The following ZNF395 variants were observed in gnomAD, a reference collection of about 807,000 sequenced individuals.
The protein encoded by ZNF395 is HD gene regulatory region-binding protein 2.
A neutral mutation model predicts 57.7 loss-of-function variants in ZNF395; 20 were observed. That is an observed-to-expected ratio of 0.35 (90% CI 0.24 to 0.50). ZNF395 has a LOEUF of 0.50. Ranked by LOEUF, ZNF395 falls within the 20% of genes least tolerant of loss-of-function variation. The pLI is 0.97. For synonymous variants in ZNF395, 295 were observed against 275.9 expected (o/e 1.07, Z -0.69); for missense variants, 606 against 671.2 (o/e 0.90, Z 1.07).
chr8:28,367,108 A>T (rs1801919902), intron 1 of ZNF395, among the ~76,000 whole-genome samples: 1 of 151,800 alleles, frequency 6.6e-6, no homozygotes, highest in South Asian at 2.1e-4. Flanking sequence ...GACAATGTGG[A>T]TTCTCAGGGC....
chr8:28,358,643 C>T (rs1280305635), intron 3 of ZNF395, among the ~76,000 whole-genome samples: 1 of 151,508 alleles, frequency 6.6e-6, no homozygotes, highest in Non-Finnish European at 1.5e-5. Context: ...CCCTATGTTG[C>T]CCAGGCTGGT....
chr8:28,367,050 G>A (rs1801919270), intron 1 of ZNF395, among the ~76,000 whole-genome samples: 1 of 152,124 alleles, frequency 6.6e-6, no homozygotes. Context: ...ACATGGCACT[G>A]AGCATATTGG....
intron 1 of ZNF395, chr8:28,365,643 A>G (rs576425524): frequency 1.3e-5 from 2 of 152,310 alleles, no homozygotes; most frequent in African/African-American, 4.8e-5. Flanking sequence ...AAGGCTTCTC[A>G]GGAAAGTTTT....
At chr8:28,384,343 G>A (rs1802145356) in intron 1 of ZNF395, among the ~76,000 whole-genome samples, 1 of 152,152 alleles carries the variant, frequency 6.6e-6, no homozygotes, top group Non-Finnish European at 1.5e-5. Flanking sequence ...ACATCTCCTT[G>A]TCTCTCTGGA....
intron 1 of ZNF395, chr8:28,385,894 C>G (rs1156899532): frequency 1.1e-4 from 16 of 145,868 alleles, no homozygotes; most frequent in Admixed American, 3.4e-4. Context: ...CTCCCAGACC[C>G]CCGGACCCCC....
intron 4 of ZNF395, among the ~76,000 whole-genome samples, chr8:28,355,493 A>G (rs1036951033): frequency 6.6e-5 from 10 of 151,526 alleles, no homozygotes; most frequent in Admixed American, 5.3e-4. Context: ...GGATGATGGC[A>G]TATCATCAGT....
At chr8:28,379,169 C>A (rs1270727674) in intron 1 of ZNF395, among the ~76,000 whole-genome samples, 2 of 152,212 alleles carry the variant, frequency 1.3e-5, no homozygotes, top group Non-Finnish European at 2.9e-5. Flanking sequence ...GTACCCAATG[C>A]ATGAATACAG....
In ZNF395 at chr8:28,346,777, G is replaced by A. The variant is rs900571709; in HGVS notation, c.*1942C>T. Reference sequence around the variant, plus strand: ...GAACGTGCCCTCCCCTCCCCATGAGGACCTGAAGCTGGGGGTTGTCTTGGG... The same window carrying A: ...GAACGTGCCCTCCCCTCCCCATGAGAACCTGAAGCTGGGGGTTGTCTTGGG... On this transcript the variant is annotated 3_prime_UTR_variant, in exon 10 of 10. Coordinates refer to ENST00000344423, the MANE Select transcript of ZNF395 (RefSeq NM_018660.3). 37 of 151,524 alleles carry A rather than the reference G, an allele frequency of 2.4e-4. No homozygotes were observed. The highest frequency in any genetic ancestry group is 2.4e-3 in the Admixed American group (36 of 15,244). The allele number at this position is 151,524 out of a possible 1,614,324, so 9.4% of individuals were successfully genotyped here.
intron 7 of ZNF395, 125 bp downstream of exon 7, chr8:28,351,370 T>C: frequency 9.5e-6 from 10 of 1,049,878 alleles, no homozygotes; most frequent in Non-Finnish European, 1.4e-5. Flanking sequence ...TGTTTCCTTG[T>C]AGAAGAGATT....
chr8:28,362,168 A>G (rs1563339308), intron 1 of ZNF395, among the ~76,000 whole-genome samples: 1 of 152,096 alleles, frequency 6.6e-6, no homozygotes, highest in Admixed American at 6.5e-5. Context: ...GATGTTGAGC[A>G]CAAGTGACTT....
At chr8:28,369,630 C>T (rs867604502) in intron 1 of ZNF395, among the ~76,000 whole-genome samples, 1 of 152,214 alleles carries the variant, frequency 6.6e-6, no homozygotes, top group Non-Finnish European at 1.5e-5. Flanking sequence ...CTCTTTCCTG[C>T]TCTGTTCCCC....
chr8:28,354,427 C>T (rs1296320277), intron 4 of ZNF395, among the ~76,000 whole-genome samples: 1 of 152,222 alleles, frequency 6.6e-6, no homozygotes, highest in Non-Finnish European at 1.5e-5. Context: ...CACAGAGCCC[C>T]CTAACCCTGG....
chr8:28,367,190 A>G (rs1801921489), intron 1 of ZNF395, among the ~76,000 whole-genome samples: 1 of 152,218 alleles, frequency 6.6e-6, no homozygotes, highest in Non-Finnish European at 1.5e-5. Context: ...AATAGTTTAG[A>G]CTACCAGTAA....
chr8:28,382,188 G>A (rs565231918), intron 1 of ZNF395, among the ~76,000 whole-genome samples: 16 of 152,076 alleles, frequency 1.1e-4, no homozygotes, highest in Non-Finnish European at 2.4e-4. Flanking sequence ...TGTCCATAGG[G>A]GACAGCCTTC....
intron 1 of ZNF395, among the ~76,000 whole-genome samples, chr8:28,372,363 A>G (rs1801987641): frequency 6.6e-6 from 1 of 152,242 alleles, no homozygotes; most frequent in Non-Finnish European, 1.5e-5. Context: ...ACCTGAAAAA[A>G]AGTAGACACC....
In ZNF395 at chr8:28,360,831, C is replaced by G. The variant is rs2294110; in HGVS notation, c.240+54G>C. On this transcript the variant is annotated intron_variant, in intron 2 of 9. Transcript: ENST00000344423. ...GGCCTGTCACTAGGGCACCCCAGCC[C>G]CCTACCCCAAGACTGGCAAGACGGG... 4.3e-3 allele frequency: 6,783 copies of G among 1,595,166 alleles called. 204 individuals are homozygous for G. In the East Asian group the frequency reaches 0.078, roughly 18 times the overall value.
chr8:28,349,628 G>A (rs948050972), intron 8 of ZNF395, among the ~76,000 whole-genome samples: 2 of 152,190 alleles, frequency 1.3e-5, no homozygotes, highest in Admixed American at 6.5e-5. Flanking sequence ...ATGACTTCCC[G>A]CTTACTTGAG....
chr8:28,353,455 T>C, intron 4 of ZNF395, 47 bp from the exon 5 acceptor site: 1 of 1,401,716 alleles, frequency 7.1e-7, no homozygotes, highest in Non-Finnish European at 9.5e-7. Context: ...GGCGTGTCCC[T>C]GGGCAAACTC....
Position 28,349,180 on chromosome 8 carries a change from C to A in ZNF395, c.1375G>T (p.Ala459Ser). Residue 459 changes from alanine (A) to serine (S), a missense_variant, in exon 9 of 10, where the codon GCG becomes TCG. Transcript: ENST00000344423. ...SFSEPQQPAP[A>S]MKSHLIVTSP... ...GTGACGATCAGATGAGATTTCATCGCAGGTGCTGGCTGCTGGGGCTCGCTG... is the reference window on the plus strand; with the variant it reads ...GTGACGATCAGATGAGATTTCATCGAAGGTGCTGGCTGCTGGGGCTCGCTG... The A allele has an allele frequency of 6.4e-7, 1 of 1,563,822 alleles. No individual in the cohort carries two copies. Among genetic ancestry groups the A allele is most frequent in the Non-Finnish European group, 8.7e-7 (1 of 1,155,276 alleles).
Sources: gnomAD v4.1 joint callset for allele counts (sites outside exome capture counted in the v4.1 genomes callset) on GRCh38, gnomAD v4.1.1 for gene constraint, MANE v1.5 for transcripts, NCBI Gene and HGNC (gene_info 2026-07-23, HGNC 2026-07-21) for gene names.